CCBE1: variants seen among roughly 807,000 people sequenced by gnomAD.
CCBE1 encodes the protein collagen and calcium-binding EGF domain-containing protein 1.
CCBE1 carries 37 observed loss-of-function variants against 50.0 expected under a neutral mutation model. The observed-to-expected ratio is 0.74, with a 90% confidence interval of 0.57 to 0.97. CCBE1 has a LOEUF of 0.97. Ranked by LOEUF, CCBE1 falls within the 50% of genes least tolerant of loss-of-function variation. The pLI is 0.00. For synonymous variants in CCBE1, 234 were observed against 203.7 expected (o/e 1.15, Z -1.27); for missense variants, 538 against 523.8 (o/e 1.03, Z -0.26).
In CCBE1 at chr18:59,594,530, C is replaced by T. The variant is rs146395230; in HGVS notation, c.212+102099G>A. On this transcript the variant is annotated intron_variant, in intron 2 of 10. Transcript: ENST00000439986. The stretch of plus-strand genomic sequence containing the variant: ...TGAACTGCTCACTTAATGGTGAAAG[C>T]AGTAAGCTTCTGTTATGTATGTTTT... Among the ~76,000 whole-genome samples, 315 of 152,310 alleles carry T rather than the reference C, an allele frequency of 2.1e-3. 4 individuals are homozygous for T. The East Asian group carries it at 0.032, about 15-fold the overall frequency.
At chr18:59,463,417 A>G (rs1598921564) in intron 5 of CCBE1, among the ~76,000 whole-genome samples, 2 of 152,302 alleles carry the variant, frequency 1.3e-5, no homozygotes, top group East Asian at 3.9e-4. Flanking sequence ...TCTCTGACTT[A>G]CAGCCACCGC....
At chr18:59,653,750 C>A (rs2054154446) in intron 2 of CCBE1, among the ~76,000 whole-genome samples, 1 of 152,206 alleles carries the variant, frequency 6.6e-6, no homozygotes, top group African/African-American at 2.4e-5. Flanking sequence ...GAACCAGGCA[C>A]AGCACTGTTT....
At chr18:59,539,303 T>C (rs1350431566) in intron 2 of CCBE1, among the ~76,000 whole-genome samples, 1 of 152,062 alleles carries the variant, frequency 6.6e-6, no homozygotes, top group Non-Finnish European at 1.5e-5. Flanking sequence ...TGAAGAACAC[T>C]GCCACACTGA....
chr18:59,542,914 C>A (rs1427613366), intron 2 of CCBE1, among the ~76,000 whole-genome samples: 1 of 152,222 alleles, frequency 6.6e-6, no homozygotes, highest in African/African-American at 2.4e-5. Context: ...CTACTGAACT[C>A]TCGAACCCCA....
chr18:59,531,989 G>C (rs908884128), intron 2 of CCBE1, among the ~76,000 whole-genome samples: 1 of 152,180 alleles, frequency 6.6e-6, no homozygotes, highest in Non-Finnish European at 1.5e-5. Flanking sequence ...CTTGCAACAC[G>C]TATTTCCCTA....
At chr18:59,511,934 G>A (rs1464813533) in intron 2 of CCBE1, among the ~76,000 whole-genome samples, 2 of 152,186 alleles carry the variant, frequency 1.3e-5, no homozygotes, top group Non-Finnish European at 2.9e-5. Flanking sequence ...CGGAGAAAAT[G>A]ACCTTAGCCC....
chr18:59,684,604 T>C (rs915469140), intron 2 of CCBE1, among the ~76,000 whole-genome samples: 6 of 152,254 alleles, frequency 3.9e-5, no homozygotes, highest in Non-Finnish European at 7.3e-5. Context: ...AGCCTCGGGG[T>C]ACCTCTATAC....
chr18:59,621,668 C>T (rs1168972945), intron 2 of CCBE1, among the ~76,000 whole-genome samples: 1 of 152,224 alleles, frequency 6.6e-6, no homozygotes, highest in Non-Finnish European at 1.5e-5. Flanking sequence ...ACCAGAGTCA[C>T]ACCATCAGTA....
At chr18:59,516,630 C>A (rs1914385403) in intron 2 of CCBE1, among the ~76,000 whole-genome samples, 1 of 152,186 alleles carries the variant, frequency 6.6e-6, no homozygotes. Flanking sequence ...GGGTCTGTTT[C>A]TCTTCTTAGG....
intron 3 of CCBE1, among the ~76,000 whole-genome samples, chr18:59,476,019 C>G (rs1912289773): frequency 6.6e-6 from 1 of 152,144 alleles, no homozygotes. Context: ...CGGCTGGCTA[C>G]TCTTCCACAT....
chr18:59,521,418 G>T (rs937996507), intron 2 of CCBE1, among the ~76,000 whole-genome samples: 6 of 152,102 alleles, frequency 3.9e-5, no homozygotes, highest in African/African-American at 1.4e-4. Flanking sequence ...CACATTCTTT[G>T]TTTGTTTTTT....
chr18:59,572,296 G>GT (rs1437186358), intron 2 of CCBE1, among the ~76,000 whole-genome samples: 2 of 152,092 alleles, frequency 1.3e-5, no homozygotes, highest in African/African-American at 2.4e-5. Context: ...AATTTTATGG[G>GT]TTTTTTTCCC....
intron 2 of CCBE1, among the ~76,000 whole-genome samples, chr18:59,643,139 T>C (rs2054012917): frequency 6.6e-6 from 1 of 152,122 alleles, no homozygotes; most frequent in Admixed American, 6.5e-5. Context: ...TATTGCCTCC[T>C]CCCAGATGTC....
At chr18:59,477,790 T>A (rs1437446482) in intron 3 of CCBE1, among the ~76,000 whole-genome samples, 2 of 152,172 alleles carry the variant, frequency 1.3e-5, no homozygotes, top group Non-Finnish European at 2.9e-5. Context: ...TTGCAGCATG[T>A]CAGATGAACA....
At chr18:59,657,091 C>T (rs534101045) in intron 2 of CCBE1, among the ~76,000 whole-genome samples, 1 of 152,324 alleles carries the variant, frequency 6.6e-6, no homozygotes, top group East Asian at 1.9e-4. Flanking sequence ...TTTCCTTGGT[C>T]CCTGCATCTC....
intron 2 of CCBE1, among the ~76,000 whole-genome samples, chr18:59,682,456 A>AT (rs1401290585): frequency 3.3e-5 from 5 of 152,358 alleles, no homozygotes; most frequent in African/African-American, 1.2e-4. Flanking sequence ...TAAGATGCTA[A>AT]TTTCAAGTAT....
intron 2 of CCBE1, among the ~76,000 whole-genome samples, chr18:59,485,975 G>A (rs1912806884): frequency 6.6e-6 from 1 of 151,918 alleles, no homozygotes; most frequent in Admixed American, 6.6e-5. Context: ...TTAAGGTAAT[G>A]TGTAACAAAT....
At chr18:59,685,263 G>C (rs573876943) in intron 2 of CCBE1, among the ~76,000 whole-genome samples, 42 of 152,204 alleles carry the variant, frequency 2.8e-4, no homozygotes, top group African/African-American at 9.9e-4. Context: ...AAGAAACCAA[G>C]AACTCATGAG....
At chr18:59,658,909 G>C (rs1411166296) in intron 2 of CCBE1, among the ~76,000 whole-genome samples, 1 of 120,034 alleles carries the variant, frequency 8.3e-6, no homozygotes, top group Non-Finnish European at 1.7e-5. Context: ...AAAAAAAACT[G>C]TTACCAGATA....
Sources: gnomAD v4.1 joint callset for allele counts (sites outside exome capture counted in the v4.1 genomes callset) on GRCh38, gnomAD v4.1.1 for gene constraint, MANE v1.5 for transcripts, NCBI Gene and HGNC (gene_info 2026-07-23, HGNC 2026-07-21) for gene names.